PPFIA2: variants seen among roughly 807,000 people sequenced by gnomAD.
PPFIA2 encodes PPFI scaffold protein A2, also known as liprin-alpha-2.
A neutral mutation model predicts 175.5 loss-of-function variants in PPFIA2; 46 were observed. The ratio of observed to expected loss-of-function variants is 0.26; its 90% CI spans 0.21 to 0.34. The LOEUF is 0.34. PPFIA2 is among the 10% of genes least tolerant of loss of function. The pLI, the probability that PPFIA2 is intolerant of heterozygous loss-of-function variation, is 1.00. For synonymous variants in PPFIA2, 568 were observed against 511.4 expected, an observed-to-expected ratio of 1.11 and a Z score of -1.49; for missense variants, 1,179 against 1,506.1, an observed-to-expected ratio of 0.78 and a Z score of 3.60.
chr12:81,282,938 A>G, intron 26 of PPFIA2, 72 bp downstream of exon 26: 1 of 1,342,202 alleles, frequency 7.5e-7, no homozygotes, highest in Non-Finnish European at 1.1e-6. Context: ...ATGACTTATG[A>G]CAGTTTCTTG....
At chr12:81,439,149 C>T (rs189913141) in intron 7 of PPFIA2, among the ~76,000 whole-genome samples, 2,301 of 148,788 alleles carry the variant, frequency 0.015, 54 homozygotes, top group African/African-American at 0.054. Context: ...GGTTAAACTT[C>T]TCTCTCTCTC....
chr12:81,466,939 C>T (rs2055766690), intron 4 of PPFIA2, among the ~76,000 whole-genome samples: 1 of 146,776 alleles, frequency 6.8e-6, no homozygotes, highest in Non-Finnish European at 1.5e-5. Context: ...AAATAATATA[C>T]ATAAATATAT....
chr12:81,404,878 G>A (rs17685991), intron 8 of PPFIA2, among the ~76,000 whole-genome samples: 13,144 of 152,048 alleles, frequency 0.086, 817 homozygotes, highest in Middle Eastern at 0.16. Flanking sequence ...CTTCTTAATC[G>A]CTAGGTTTTA....
chr12:81,463,862 T>C (rs1391729720), intron 4 of PPFIA2, among the ~76,000 whole-genome samples: 1 of 152,116 alleles, frequency 6.6e-6, no homozygotes, highest in Non-Finnish European at 1.5e-5. Flanking sequence ...AAGAGGAAAA[T>C]AAAATAACTT....
At chr12:81,490,526 C>A (rs144987865) in intron 4 of PPFIA2, among the ~76,000 whole-genome samples, 2 of 152,046 alleles carry the variant, frequency 1.3e-5, no homozygotes, top group East Asian at 3.9e-4. Context: ...GCACTAAGTG[C>A]AAACAGAGGT....
intron 4 of PPFIA2, among the ~76,000 whole-genome samples, chr12:81,534,689 C>G (rs1048606708): frequency 6.6e-6 from 1 of 151,714 alleles, no homozygotes; most frequent in Non-Finnish European, 1.5e-5. Flanking sequence ...ACAACCCAAG[C>G]ACACTTGATA....
intron 4 of PPFIA2, among the ~76,000 whole-genome samples, chr12:81,560,164 T>C (rs767179310): frequency 8.6e-5 from 13 of 151,428 alleles, no homozygotes; most frequent in Non-Finnish European, 1.5e-4. Flanking sequence ...ATACTAGAGG[T>C]AGTGTGGTAA....
intron 14 of PPFIA2, among the ~76,000 whole-genome samples, chr12:81,365,324 CTA>C (rs2032815947): frequency 6.6e-6 from 1 of 151,710 alleles, no homozygotes; most frequent in African/African-American, 2.4e-5. Context: ...ATGTGCCCAT[CTA>C]AATGGGATGA....
At chr12:81,519,713 A>C (rs940443406) in intron 4 of PPFIA2, among the ~76,000 whole-genome samples, 2 of 152,220 alleles carry the variant, frequency 1.3e-5, no homozygotes, top group Non-Finnish European at 2.9e-5. Context: ...TTAGCTATAG[A>C]AGCAAACAAC....
intron 3 of PPFIA2, among the ~76,000 whole-genome samples, chr12:81,684,284 T>A (rs971314076): frequency 3.3e-5 from 5 of 151,992 alleles, no homozygotes; most frequent in Non-Finnish European, 7.4e-5. Context: ...AAGGTATGAT[T>A]TATAGAGGTA....
chr12:81,687,370 T>G (rs920072091), intron 3 of PPFIA2: 21 of 152,092 alleles, frequency 1.4e-4, no homozygotes, highest in African/African-American at 5.1e-4. Flanking sequence ...TCTTTTATGT[T>G]TCTGCACCAC....
At chr12:81,295,091 G>T in intron 23 of PPFIA2, 56 bp from the exon 24 acceptor site, 1 of 1,472,606 alleles carries the variant, frequency 6.8e-7, no homozygotes, top group Non-Finnish European at 9.3e-7. Context: ...TCATTTTAGT[G>T]TCTCATATGC....
At chr12:81,500,115 C>G (rs1302136977) in intron 4 of PPFIA2, among the ~76,000 whole-genome samples, 3 of 152,240 alleles carry the variant, frequency 2.0e-5, no homozygotes, top group Admixed American at 2.0e-4. Flanking sequence ...GTTTTCCCGG[C>G]ACATAGTGAA....
At chr12:81,502,728 AG>A (rs2060715728) in intron 4 of PPFIA2, among the ~76,000 whole-genome samples, 1 of 152,222 alleles carries the variant, frequency 6.6e-6, no homozygotes, top group African/African-American at 2.4e-5. Context: ...AAGAGCAGAA[AG>A]TACTACTCAA....
At chr12:81,416,790 T>C (rs1205236374) in intron 7 of PPFIA2, among the ~76,000 whole-genome samples, 1 of 151,608 alleles carries the variant, frequency 6.6e-6, no homozygotes, top group Non-Finnish European at 1.5e-5. Flanking sequence ...CAGTAATTAA[T>C]TATCTCCCCA....
intron 4 of PPFIA2, among the ~76,000 whole-genome samples, chr12:81,504,132 A>C (rs966545725): frequency 6.6e-6 from 1 of 152,074 alleles, no homozygotes; most frequent in Non-Finnish European, 1.5e-5. Flanking sequence ...TATATTTAAA[A>C]GTCTTAATCA....
At chr12:81,464,339 T>A (rs933098548) in intron 4 of PPFIA2, among the ~76,000 whole-genome samples, 1 of 152,134 alleles carries the variant, frequency 6.6e-6, no homozygotes, top group Non-Finnish European at 1.5e-5. Context: ...AGAACACAGA[T>A]GAGAAAAGTA....
At chr12:81,429,177 T>A (rs908858287) in intron 7 of PPFIA2, among the ~76,000 whole-genome samples, 3 of 152,058 alleles carry the variant, frequency 2.0e-5, no homozygotes, top group Non-Finnish European at 4.4e-5. Context: ...ATGAGAGTAA[T>A]CATTTTTATA....
chr12:81,678,857 G>C (rs1279874679), intron 3 of PPFIA2, among the ~76,000 whole-genome samples: 1 of 151,492 alleles, frequency 6.6e-6, no homozygotes, highest in South Asian at 2.1e-4. Flanking sequence ...TAATTATATC[G>C]GCATTTTTTG....
Sources: gnomAD v4.1 joint callset for allele counts (sites outside exome capture counted in the v4.1 genomes callset) on GRCh38, gnomAD v4.1.1 for gene constraint, MANE v1.5 for transcripts, NCBI Gene and HGNC (gene_info 2026-07-23, HGNC 2026-07-21) for gene names.